Variants in MYCBP2 observed in about 807,000 individuals in gnomAD.
MYCBP2 encodes E3 ubiquitin-protein ligase MYCBP2.
Under a neutral mutation model 525.3 loss-of-function variants are expected in MYCBP2, and 120 were observed. That is an observed-to-expected ratio of 0.23 (90% CI 0.20 to 0.27). The LOEUF (loss-of-function observed/expected upper bound fraction) is 0.27. MYCBP2 is among the 10% of genes least tolerant of loss of function. The probability of loss-of-function intolerance (pLI) is 1.00; values close to 1 mark genes in which losing one functional copy is unlikely to be tolerated. For missense variants in MYCBP2, 4,149 were observed against 5,657.1 expected (o/e 0.73, Z 8.55); for synonymous variants, 1,894 against 1,955.8 (o/e 0.97, Z 0.83).
chr13:77,217,496 GT>G (rs1355432848), intron 21 of MYCBP2, among the ~76,000 whole-genome samples: 1 of 152,278 alleles, frequency 6.6e-6, no homozygotes, highest in East Asian at 1.9e-4. Context: ...AGTTCTATGT[GT>G]TAAGAAAAAT....
rs2041690228 is a variant in MYCBP2 at position 77,073,204 on chromosome 13, T to C, written c.11824-2493A>G. 2.0e-5 allele frequency among the ~76,000 whole-genome samples: 3 copies of C among 152,188 alleles called. No homozygotes were observed. In the South Asian group the frequency reaches 6.2e-4, roughly 32 times the overall value. Reference sequence around the variant, plus strand: ...GAACTGTATACAAGCTAGTATCACATGTTGACTAAAATGCATAGCAATATA... The same window carrying C: ...GAACTGTATACAAGCTAGTATCACACGTTGACTAAAATGCATAGCAATATA... On this transcript the variant is annotated intron_variant, in intron 68 of 82. Transcript: ENST00000544440.
intron 15 of MYCBP2, among the ~76,000 whole-genome samples, chr13:77,248,142 CAAAAA>C (rs71203041): frequency 1.3e-4 from 18 of 141,546 alleles, no homozygotes; most frequent in African/African-American, 4.7e-4. Context: ...AAAGTATAAT[CAAAAA>C]AAAAAAAAGA....
At position 77,324,296 on chromosome 13, in the gene MYCBP2, C is replaced by T. The variant is rs989007965; in HGVS notation, c.302+2178G>A. On this transcript the variant is annotated intron_variant, in intron 1 of 82. Coordinates refer to ENST00000544440, the MANE Select transcript of MYCBP2 (RefSeq NM_015057.5). Reference sequence around the variant, plus strand: ...CCGTTTCCTTCACTGTCTCCTTTCTCTCACACCTTTAAACCTGATGCTCAC... The same window carrying T: ...CCGTTTCCTTCACTGTCTCCTTTCTTTCACACCTTTAAACCTGATGCTCAC... 4.6e-5 allele frequency among the ~76,000 whole-genome samples: 7 copies of T among 152,228 alleles called. 1 individual carries two copies. Among genetic ancestry groups the T allele is most frequent in the Admixed American group, 4.6e-4 (7 of 15,288 alleles).
Position 77,205,311 on chromosome 13 carries a change from A to G in MYCBP2, c.3788T>C (p.Leu1263Ser), listed in dbSNP as rs1593869171. Reference sequence around the variant, plus strand: ...TCCAAACAGACCAAGACCACCAAGTAAAATATCAGTGTCGGCACTGAAACG... The same window carrying G: ...TCCAAACAGACCAAGACCACCAAGTGAAATATCAGTGTCGGCACTGAAACG... ...AIRFSADTDI[L>S]LGGLGLFGGR... The change falls in exon 26 of 83, where the codon TTA becomes TCA. Residue 1263 changes from leucine (L) to serine (S), a missense_variant. Leu to Ser is a moderately radical substitution (Grantham distance 145). Around this residue, in one of 21 missense-constraint regions of MYCBP2, gnomAD observed 620 missense variants for 795.5 expected, o/e 0.78. Transcript: ENST00000544440. 2 of 1,613,856 alleles carry G rather than the reference A, an allele frequency of 1.2e-6. No individual in the cohort carries two copies. Among genetic ancestry groups the G allele is most frequent in the Non-Finnish European group, 1.7e-6 (2 of 1,179,802 alleles).
intron 55 of MYCBP2, among the ~76,000 whole-genome samples, chr13:77,111,808 A>G (rs2048872822): frequency 6.6e-6 from 1 of 152,048 alleles, no homozygotes; most frequent in Non-Finnish European, 1.5e-5. Flanking sequence ...AAAACTGATC[A>G]TATCACTCTT....
At chr13:77,120,262 T>G (rs143831208) in intron 55 of MYCBP2, among the ~76,000 whole-genome samples, 1 of 152,252 alleles carries the variant, frequency 6.6e-6, no homozygotes, top group Non-Finnish European at 1.5e-5. Flanking sequence ...CTTAAGTTAA[T>G]GGAAATCAGG....
intron 44 of MYCBP2, among the ~76,000 whole-genome samples, chr13:77,158,677 G>A (rs2154201298): frequency 6.6e-6 from 1 of 152,182 alleles, no homozygotes; most frequent in South Asian, 2.1e-4. Context: ...TGAACTCCTG[G>A]CCTCAAGTAA....
chr13:77,169,952 T>C (rs2058979455), intron 38 of MYCBP2, among the ~76,000 whole-genome samples: 1 of 152,202 alleles, frequency 6.6e-6, no homozygotes, highest in Non-Finnish European at 1.5e-5. Context: ...AGGAAAACCA[T>C]GGCACATAGG....
intron 62 of MYCBP2, among the ~76,000 whole-genome samples, chr13:77,084,533 G>A (rs1416749285): frequency 2.6e-5 from 4 of 152,046 alleles, no homozygotes; most frequent in South Asian, 2.1e-4. Flanking sequence ...CTTGGCATTC[G>A]ACTTTGTTAG....
At chr13:77,170,639 C>G (rs966684997) in intron 38 of MYCBP2, among the ~76,000 whole-genome samples, 1 of 148,666 alleles carries the variant, frequency 6.7e-6, no homozygotes, top group African/African-American at 2.5e-5. Flanking sequence ...TGCAGTGGTG[C>G]GATCTCGGCT....
At chr13:77,169,205 G>C (rs2058862636) in intron 39 of MYCBP2, among the ~76,000 whole-genome samples, 1 of 151,944 alleles carries the variant, frequency 6.6e-6, no homozygotes, top group African/African-American at 2.4e-5. Flanking sequence ...TCAGGAGATC[G>C]AGACCACGGT....
In MYCBP2 at chr13:77,219,413, G is replaced by A. The variant is rs556890464; in HGVS notation, c.2940-1456C>T. Among the ~76,000 whole-genome samples, 11 of 151,042 alleles carry A rather than the reference G, an allele frequency of 7.3e-5. No homozygotes were observed. The East Asian group carries it at 2.1e-3, about 29-fold the overall frequency. On this transcript the variant is annotated intron_variant, in intron 20 of 82. Coordinates refer to ENST00000544440, the MANE Select transcript of MYCBP2 (RefSeq NM_015057.5). Reference sequence around the variant, plus strand: ...AGTATCCCAGCACTAAAGGGAAAAAGAAAGGAGAGCCAGCAGCTAAAGGAA... The same window carrying A: ...AGTATCCCAGCACTAAAGGGAAAAAAAAAGGAGAGCCAGCAGCTAAAGGAA...
At chr13:77,206,848 C>T in intron 23 of MYCBP2, 23 bp from the exon 24 acceptor site, 1 of 1,558,128 alleles carries the variant, frequency 6.4e-7, no homozygotes, top group Non-Finnish European at 8.7e-7. Context: ...AGAATAATTA[C>T]AGCACCTCAA....
chr13:77,251,340 T>A lies in MYCBP2; in HGVS notation c.2192A>T (p.Asn731Ile), dbSNP rs758848554. 1 of 1,614,098 alleles carries A rather than the reference T, an allele frequency of 6.2e-7. No homozygotes were observed. Among genetic ancestry groups the A allele is most frequent in the African/African-American group, 1.3e-5 (1 of 75,042 alleles). The stretch of plus-strand genomic sequence containing the variant: ...GTCTTCATCCATTGCTGTTGCCATA[T>A]TTTCAACTCCAAACCCTATTTGACA... ...NQGGKGFGVE[N>I]MATAMDEDLE... The change falls in exon 15 of 83, where the codon AAT (asparagine) becomes ATT (isoleucine). Residue 731 changes from asparagine (N) to isoleucine (I), a missense_variant. Around this residue, in one of 21 missense-constraint regions of MYCBP2, gnomAD observed 620 missense variants for 795.5 expected, o/e 0.78. Transcript: ENST00000544440.
At chr13:77,193,289 G>A (rs9544434) in intron 27 of MYCBP2, among the ~76,000 whole-genome samples, 69,023 of 151,858 alleles carry the variant, frequency 0.45, 19,430 homozygotes, top group Non-Finnish European at 0.63. Context: ...AAAATCTTGC[G>A]ATATTAGTTA....
intron 21 of MYCBP2, 78 bp from the exon 22 acceptor site, chr13:77,212,238 A>G (rs958642166): frequency 1.5e-5 from 19 of 1,256,958 alleles, no homozygotes; most frequent in South Asian, 7.8e-5. Flanking sequence ...GAGGCAGTAG[A>G]TAAAAATCAA....
rs373810121 is a variant in MYCBP2, at chr13:77,169,795, T to C, written c.5795-81A>G. On this transcript the variant is annotated intron_variant, in intron 38 of 82. Transcript: ENST00000544440. Reference sequence around the variant, plus strand: ...CTGCATACATGCTGTACTAAATCTATATTCTGCTCTTTTGAGCGAAACTAT... The same window carrying C: ...CTGCATACATGCTGTACTAAATCTACATTCTGCTCTTTTGAGCGAAACTAT... 2.9e-5 allele frequency: 35 copies of C among 1,205,982 alleles called. 1 individual carries two copies. In the South Asian group the frequency reaches 4.0e-4, roughly 14 times the overall value. The allele number at this position is 1,205,982 out of a possible 1,614,324, so 74.7% of individuals were successfully genotyped here. A position where few individuals can be genotyped will look rare whatever the true frequency, so the allele number is the denominator to read the frequency against.
Position 77,083,141 on chromosome 13 carries a change from C to T in MYCBP2, c.10927G>A (p.Gly3643Arg). Residue 3643 changes from glycine to arginine, a missense_variant, in exon 63 of 83, where the codon GGG becomes AGG. Gly to Arg is a moderately radical substitution (Grantham distance 125, BLOSUM62 -2). Coordinates refer to ENST00000544440, the MANE Select transcript of MYCBP2 (RefSeq NM_015057.5). Reference sequence around the variant, plus strand: ...TGTGGTAAAGGATGAGCAGCTTCCCCGGCAATCACTATGTCTGAGAGTGGA... The same window carrying T: ...TGTGGTAAAGGATGAGCAGCTTCCCTGGCAATCACTATGTCTGAGAGTGGA... ...EHPLSDIVIA[G>R]EAAHPLPHTF... The T allele has an allele frequency of 1.9e-6, 3 of 1,613,432 alleles. No individual in the cohort carries two copies. Among genetic ancestry groups the T allele is most frequent in the Non-Finnish European group, 1.7e-6 (2 of 1,179,598 alleles).
At chr13:77,163,301 C>T (rs1188970508) in intron 43 of MYCBP2, among the ~76,000 whole-genome samples, 1 of 152,090 alleles carries the variant, frequency 6.6e-6, no homozygotes, top group Non-Finnish European at 1.5e-5. Flanking sequence ...CAATTTTCCT[C>T]ATGTGGCTAG....
Sources: gnomAD v4.1 joint callset for allele counts (sites outside exome capture counted in the v4.1 genomes callset) on GRCh38, gnomAD v4.1.1 for gene constraint, gnomAD v4.1.1 regional missense constraint, MANE v1.5 for transcripts, NCBI Gene and HGNC (gene_info 2026-07-23, HGNC 2026-07-21) for gene names.